CHRM2: variants seen among roughly 807,000 people sequenced by gnomAD.
CHRM2 encodes the protein muscarinic acetylcholine receptor M2.
In CHRM2, 8 loss-of-function variants were observed where a neutral mutation model predicts 25.0. The ratio of observed to expected loss-of-function variants is 0.32; its 90% CI spans 0.19 to 0.58. CHRM2 has a LOEUF of 0.58. Ranked by LOEUF, CHRM2 falls within the 20% of genes least tolerant of loss-of-function variation. CHRM2 has a pLI of 0.88. For missense variants in CHRM2, 440 were observed against 567.1 expected (o/e 0.78, Z 2.28); for synonymous variants, 202 against 205.7 (o/e 0.98, Z 0.15).
chr7:137,012,804 G>A (rs1174305969), intron 3 of CHRM2, among the ~76,000 whole-genome samples: 1 of 151,702 alleles, frequency 6.6e-6, no homozygotes, highest in Non-Finnish European at 1.5e-5. Context: ...TCCTAAATGT[G>A]GCATTCCTGA....
intron 3 of CHRM2, among the ~76,000 whole-genome samples, chr7:136,994,592 A>G (rs556469635): frequency 1.3e-3 from 167 of 129,398 alleles, no homozygotes; most frequent in African/African-American, 4.3e-3. Context: ...GTGCAATGGC[A>G]CGATCTCGGC....
At chr7:137,008,685 T>C (rs950057291) in intron 3 of CHRM2, among the ~76,000 whole-genome samples, 1 of 151,910 alleles carries the variant, frequency 6.6e-6, no homozygotes, top group Middle Eastern at 3.2e-3. Flanking sequence ...TAAGATTACA[T>C]TTTTAAAACA....
chr7:136,985,912 T>C lies in CHRM2; in HGVS notation c.-124-6275T>C, dbSNP rs112698202. On this transcript the variant is annotated intron_variant, in intron 2 of 3. Transcript: ENST00000680005. ...CACACTGAGGTGATTTTTCAACCAG[T>C]GGATGAGGCAAACAAAATCTTCTAA... Among the ~76,000 whole-genome samples, 523 of 152,338 alleles carry C rather than the reference T, an allele frequency of 3.4e-3. 2 individuals carry two copies. Among genetic ancestry groups the C allele is most frequent in the African/African-American group, 0.011 (469 of 41,576 alleles).
At chr7:136,947,983 A>C (rs1800168176) in intron 2 of CHRM2, among the ~76,000 whole-genome samples, 1 of 152,112 alleles carries the variant, frequency 6.6e-6, no homozygotes, top group Non-Finnish European at 1.5e-5. Context: ...GGGAATTTGG[A>C]GGGAGAGATG....
intron 2 of CHRM2, among the ~76,000 whole-genome samples, chr7:136,875,059 G>T (rs993690519): frequency 1.3e-5 from 2 of 148,882 alleles, no homozygotes; most frequent in African/African-American, 2.5e-5. Context: ...GCATGTGTGT[G>T]TATGTGTGTA....
At chr7:136,886,437 G>C (rs566410129) in intron 2 of CHRM2, among the ~76,000 whole-genome samples, 84 of 152,334 alleles carry the variant, frequency 5.5e-4, no homozygotes, top group Middle Eastern at 3.4e-3. Flanking sequence ...TCTTTGAGAA[G>C]AAGACTCAGA....
Position 136,930,898 on chromosome 7 carries a change from C to CAAAAAAAAAAAAAAAAAAAA in CHRM2, c.-124-61279_-124-61260dup, listed in dbSNP as rs57705639. Among the ~76,000 whole-genome samples, 19 of 61,144 alleles carry CAAAAAAAAAAAAAAAAAAAA rather than the reference C, an allele frequency of 3.1e-4. 1 individual carries two copies. The highest frequency in any genetic ancestry group is 1.4e-3 in the Admixed American group (5 of 3,670). 40.1% of individuals were successfully genotyped at this position (61,144 alleles called of 152,430 possible). A position where few individuals can be genotyped will look rare whatever the true frequency, so the allele number is the denominator to read the frequency against. On this transcript the variant is annotated intron_variant, in intron 2 of 3. Transcript: ENST00000680005. ...GGCTACAGAGCCAGACTCATTCTCT[C>CAAAAAAAAAAAAAAAAAAAA]AAAAAAAAAAAAAAAAAAAAAAAAA... is the stretch of plus-strand genomic sequence containing the variant.
chr7:136,887,890 G>C (rs557063279), intron 2 of CHRM2, among the ~76,000 whole-genome samples: 1 of 152,240 alleles, frequency 6.6e-6, no homozygotes, highest in South Asian at 2.1e-4. Context: ...AAGAGAAAAA[G>C]TTCTCTCTCC....
At chr7:136,921,209 C>T (rs1584759010) in intron 2 of CHRM2, among the ~76,000 whole-genome samples, 1 of 152,062 alleles carries the variant, frequency 6.6e-6, no homozygotes. Context: ...ACCTCCAGGT[C>T]GTTCTGTCTC....
intron 2 of CHRM2, among the ~76,000 whole-genome samples, chr7:136,984,753 TG>T (rs1350445088): frequency 6.6e-6 from 1 of 151,972 alleles, no homozygotes; most frequent in Non-Finnish European, 1.5e-5. Context: ...ACCCTGCTTC[TG>T]CTTGCCCTCC....
intron 2 of CHRM2, among the ~76,000 whole-genome samples, chr7:136,915,955 T>G (rs530555934): frequency 1.3e-5 from 2 of 151,918 alleles, no homozygotes; most frequent in South Asian, 2.1e-4. Context: ...CCTATTCATC[T>G]TTGTATAAAT....
chr7:136,979,186 T>C (rs1038382261), intron 2 of CHRM2, among the ~76,000 whole-genome samples: 7 of 152,234 alleles, frequency 4.6e-5, no homozygotes, highest in Admixed American at 4.6e-4. Context: ...TTGATTTGCA[T>C]TTCTCTAATG....
intron 2 of CHRM2, chr7:136,914,113 C>T (rs1029915148): frequency 6.6e-6 from 1 of 151,946 alleles, no homozygotes; most frequent in Non-Finnish European, 1.5e-5. Flanking sequence ...TCCAAAAATA[C>T]ACATGTGATT....
Position 136,946,960 on chromosome 7 carries a change from A to T in CHRM2, c.-124-45227A>T, listed in dbSNP as rs186958099. 2.9e-4 allele frequency among the ~76,000 whole-genome samples: 44 copies of T among 152,292 alleles called. 1 individual carries two copies. The highest frequency in any genetic ancestry group is 1.0e-3 in the African/African-American group (43 of 41,564). On this transcript the variant is annotated intron_variant, in intron 2 of 3. Coordinates refer to ENST00000680005, the MANE Select transcript of CHRM2 (RefSeq NM_001006630.2). ...GGCAATCAGAAGAATTATTGCTGTT[A>T]CTTTCCCAGGTAGATGGTATGCCCA...
chr7:136,947,470 A>G (rs1198418387), intron 2 of CHRM2, among the ~76,000 whole-genome samples: 1 of 152,196 alleles, frequency 6.6e-6, no homozygotes, highest in Non-Finnish European at 1.5e-5. Flanking sequence ...GACATGTAGT[A>G]AAGTAATTAT....
chr7:136,996,820 C>T (rs1803635211), intron 3 of CHRM2, among the ~76,000 whole-genome samples: 1 of 152,178 alleles, frequency 6.6e-6, no homozygotes, highest in African/African-American at 2.4e-5. Context: ...CCAGTACTAA[C>T]AGCAAAGGTC....
At chr7:136,903,231 TAG>T (rs1208401323) in intron 2 of CHRM2, 1 of 534,350 alleles carries the variant, frequency 1.9e-6, no homozygotes, top group Non-Finnish European at 3.8e-6. Flanking sequence ...GGGTCAAGTT[TAG>T]AGATGCACCA....
At chr7:136,944,527 G>A (rs964140744) in intron 2 of CHRM2, among the ~76,000 whole-genome samples, 4 of 151,948 alleles carry the variant, frequency 2.6e-5, no homozygotes, top group Admixed American at 2.6e-4. Context: ...ACGTGTGTGT[G>A]TACATATATA....
chr7:136,966,697 T>C (rs1194237591), intron 2 of CHRM2, among the ~76,000 whole-genome samples: 1 of 147,700 alleles, frequency 6.8e-6, no homozygotes, highest in Admixed American at 6.8e-5. Flanking sequence ...ACAGTGAGTC[T>C]ATAAGTATAA....
Sources: allele counts gnomAD v4.1 joint callset (sites outside exome capture counted in the v4.1 genomes callset), GRCh38; gene constraint gnomAD v4.1.1; transcripts MANE v1.5; gene names NCBI Gene and HGNC (gene_info 2026-07-23, HGNC 2026-07-21).